ACTN2: variants seen among roughly 807,000 people sequenced by gnomAD.
The protein encoded by ACTN2 is alpha-actinin-2.
ACTN2 carries 39 observed loss-of-function variants against 113.8 expected under a neutral mutation model. The ratio of observed to expected loss-of-function variants is 0.34; its 90% CI spans 0.27 to 0.45. The LOEUF (loss-of-function observed/expected upper bound fraction) is 0.45. Among genes scored for constraint, ACTN2 ranks in the 20% least tolerant of loss-of-function variants. ACTN2 has a pLI of 1.00. For synonymous variants in ACTN2, 429 were observed against 444.1 expected (o/e 0.97, Z 0.43); for missense variants, 992 against 1,177.9 (o/e 0.84, Z 2.31).
At chr1:236,760,940 A>G in intron 19 of ACTN2, 75 bp from the exon 20 acceptor site, 2 of 1,580,084 alleles carry the variant, frequency 1.3e-6, no homozygotes, top group Non-Finnish European at 8.7e-7. Flanking sequence ...GCATGTCACC[A>G]GGGAAAGAAT....
intron 3 of ACTN2, among the ~76,000 whole-genome samples, chr1:236,719,442 C>T (rs987148078): frequency 1.3e-5 from 2 of 152,128 alleles, no homozygotes; most frequent in Admixed American, 6.5e-5. Flanking sequence ...TGCGGAATGC[C>T]GTAAGAAGGG....
At chr1:236,744,576 A>G in intron 11 of ACTN2, 50 bp from the exon 12 acceptor site, 1 of 1,607,052 alleles carries the variant, frequency 6.2e-7, no homozygotes, top group South Asian at 1.1e-5. Flanking sequence ...GGCATGAGGA[A>G]GCCGCTGTGC....
At chr1:236,693,667 G>T (rs1385658861) in intron 1 of ACTN2, among the ~76,000 whole-genome samples, 1 of 152,168 alleles carries the variant, frequency 6.6e-6, no homozygotes, top group East Asian at 1.9e-4. Context: ...CCCTCCCTGT[G>T]TGCTCCAAGG....
At chr1:236,737,255 G>A (rs773589761) in intron 9 of ACTN2, 41 bp downstream of exon 9, 11 of 1,356,650 alleles carry the variant, frequency 8.1e-6, no homozygotes, top group African/African-American at 3.0e-5. Context: ...CCATCCTCAC[G>A]CAGGGGCTGA....
chr1:236,702,417 A>G (rs902030580), intron 1 of ACTN2, among the ~76,000 whole-genome samples: 15 of 152,218 alleles, frequency 9.9e-5, no homozygotes, highest in Non-Finnish European at 2.1e-4. Flanking sequence ...TATTTAGGAA[A>G]TATTACATTT....
chr1:236,752,532 CAT>C (rs1357255475), intron 15 of ACTN2, among the ~76,000 whole-genome samples: 1 of 151,708 alleles, frequency 6.6e-6, no homozygotes, highest in African/African-American at 2.4e-5. Context: ...GGAAATATAT[CAT>C]TTTTTATTTT....
chr1:236,726,867 G>A lies in ACTN2; in HGVS notation c.537-811G>A, dbSNP rs187284990. Among the ~76,000 whole-genome samples the A allele has an allele frequency of 2.0e-5, 3 of 152,332 alleles. No homozygotes were observed. The East Asian group carries it at 5.8e-4, about 29-fold the overall frequency. On this transcript the variant is annotated intron_variant, in intron 5 of 20. Transcript: ENST00000366578. ...GAGCTACCAAGGGCTGGGACTTTCTGCAGGTGTCAAAGTCAGAGTGCCCAG... is the reference window on the plus strand; with the variant it reads ...GAGCTACCAAGGGCTGGGACTTTCTACAGGTGTCAAAGTCAGAGTGCCCAG...
intron 10 of ACTN2, among the ~76,000 whole-genome samples, chr1:236,739,975 G>A (rs964041377): frequency 3.9e-5 from 6 of 152,104 alleles, no homozygotes; most frequent in Admixed American, 3.3e-4. Context: ...GCATACAAAA[G>A]TGCTGTCAAA....
chr1:236,751,706 C>T (rs1193435753), intron 15 of ACTN2, 54 bp downstream of exon 15: 8 of 1,607,560 alleles, frequency 5.0e-6, no homozygotes, highest in South Asian at 1.1e-5. Context: ...AAGCTGACGT[C>T]GAAGGAGGAA....
At chr1:236,740,093 C>A (rs1290022639) in intron 10 of ACTN2, among the ~76,000 whole-genome samples, 2 of 152,068 alleles carry the variant, frequency 1.3e-5, no homozygotes, top group African/African-American at 2.4e-5. Context: ...GTACCTATTT[C>A]CGCTCCCTCC....
At chr1:236,751,945 T>C (rs1359331856) in intron 15 of ACTN2, among the ~76,000 whole-genome samples, 1 of 152,262 alleles carries the variant, frequency 6.6e-6, no homozygotes, top group East Asian at 1.9e-4. Context: ...AAATGGTTTT[T>C]AAAGCCCCAA....
chr1:236,736,435 AG>A (rs1302219749), intron 8 of ACTN2: 2 of 627,924 alleles, frequency 3.2e-6, no homozygotes, highest in Admixed American at 6.1e-5. Flanking sequence ...GAAGCCAGTT[AG>A]GCAAGCTTCT....
chr1:236,691,963 G>A (rs186321294), intron 1 of ACTN2, among the ~76,000 whole-genome samples: 251 of 152,388 alleles, frequency 1.6e-3, no homozygotes, highest in Admixed American at 9.5e-3. Context: ...GGCCTGGGAT[G>A]CTAAGGTGAG....
At chr1:236,753,851 T>TCCCCCC in intron 15 of ACTN2, 96 bp from the exon 16 acceptor site, 41 of 966,958 alleles carry the variant, frequency 4.2e-5, no homozygotes, top group Middle Eastern at 2.4e-4. Flanking sequence ...CCTTCTCCAC[T>TCCCCCC]CCCACCCCCA....
chr1:236,760,969 A>T (rs761368869), intron 19 of ACTN2, 46 bp from the exon 20 acceptor site: 20 of 1,613,456 alleles, frequency 1.2e-5, no homozygotes, highest in Non-Finnish European at 1.6e-5. Flanking sequence ...CTCTGTTGAG[A>T]GTTGTGTACC....
chr1:236,733,321 T>C (rs1658765499), intron 7 of ACTN2, among the ~76,000 whole-genome samples: 1 of 152,240 alleles, frequency 6.6e-6, no homozygotes, highest in African/African-American at 2.4e-5. Flanking sequence ...TTCACTCACG[T>C]AGAATTATTG....
chr1:236,759,777 G>T lies in ACTN2; in HGVS notation c.2355G>T (p.Met785Ile), dbSNP rs751781809. The change falls in exon 19 of 21, where the codon ATG (methionine) becomes ATT (isoleucine). Residue 785 changes from methionine (M) to isoleucine (I), a missense_variant. Met to Ile is a conservative substitution (Grantham distance 10). Transcript: ENST00000366578. ...ATTTCAGAGCCTGCCTGATTTCCAT[G>T]GGTTATGACCTGGTAAGACAGAAGT... Reference protein sequence around the residue: ...HEDFRACLISMGYDLGEAEFA... With the variant: ...HEDFRACLISIGYDLGEAEFA... 1 of 1,613,820 alleles carries T rather than the reference G, an allele frequency of 6.2e-7. No individual in the cohort carries two copies. The highest frequency in any genetic ancestry group is 1.1e-5 in the South Asian group (1 of 91,066).
chr1:236,700,561 C>A (rs559433757), intron 1 of ACTN2, among the ~76,000 whole-genome samples: 150 of 152,294 alleles, frequency 9.8e-4, no homozygotes, highest in African/African-American at 3.4e-3. Context: ...TAAACTGACC[C>A]TCATCCCTAT....
intron 1 of ACTN2, among the ~76,000 whole-genome samples, chr1:236,707,287 G>A (rs1433131064): frequency 6.6e-6 from 1 of 152,228 alleles, no homozygotes; most frequent in Non-Finnish European, 1.5e-5. Flanking sequence ...TGAAGAATTG[G>A]CAGGGTTCTG....
Sources: gnomAD v4.1 joint callset for allele counts (sites outside exome capture counted in the v4.1 genomes callset) on GRCh38, gnomAD v4.1.1 for gene constraint, MANE v1.5 for transcripts, NCBI Gene and HGNC (gene_info 2026-07-23, HGNC 2026-07-21) for gene names.